Variants in PPP2R1A observed in about 807,000 individuals in gnomAD.
The protein encoded by PPP2R1A is protein phosphatase 2 scaffold subunit Aalpha.
A neutral mutation model predicts 67.1 loss-of-function variants in PPP2R1A; 15 were observed. The observed-to-expected ratio is 0.22, with a 90% CI of 0.15 to 0.34. PPP2R1A has a LOEUF of 0.34. PPP2R1A is among the 10% of genes least tolerant of loss of function. The pLI, the probability that PPP2R1A is intolerant of heterozygous loss-of-function variation, is 1.00. For synonymous variants in PPP2R1A, 337 were observed against 325.0 expected, an observed-to-expected ratio of 1.04 and a Z score of -0.40; for missense variants, 369 against 775.0, an observed-to-expected ratio of 0.48 and a Z score of 6.22.
chr19:52,212,632 G>C lies in PPP2R1A; in HGVS notation c.504-54G>C. On this transcript the variant is annotated intron_variant, in intron 4 of 14. Transcript: ENST00000322088. The surrounding 1 kb of genome is among the most constrained non-coding windows in gnomAD (Gnocchi z 4.1). The stretch of plus-strand genomic sequence containing the variant: ...CCACACAACTGCAGAGTCTGTGCTT[G>C]CTCCTCTCTGCCATACTGCCTGCTG... The C allele has an allele frequency of 6.3e-7, 1 of 1,591,826 alleles. No homozygotes were observed. Among genetic ancestry groups the C allele is most frequent in the Non-Finnish European group, 8.5e-7 (1 of 1,172,542 alleles).
At chr19:52,210,400 ATG>A (rs2089653092) in intron 3 of PPP2R1A, among the ~76,000 whole-genome samples, 1 of 151,764 alleles carries the variant, frequency 6.6e-6, no homozygotes, top group African/African-American at 2.4e-5. Flanking sequence ...GTAACTGTTC[ATG>A]GGAAGCTTAG....
At chr19:52,198,047 C>T (rs2089511912) in intron 1 of PPP2R1A, among the ~76,000 whole-genome samples, 2 of 152,208 alleles carry the variant, frequency 1.3e-5, no homozygotes, top group Non-Finnish European at 2.9e-5. Context: ...GTTGCCACGG[C>T]TGCCATTATT....
chr19:52,220,062 C>T (rs1359478077), intron 10 of PPP2R1A, 127 bp from the exon 11 acceptor site: 48 of 1,258,124 alleles, frequency 3.8e-5, no homozygotes, highest in Non-Finnish European at 4.6e-6. Context: ...GAAAGGAGCA[C>T]CTCAGACAAA....
chr19:52,198,162 A>G (rs531382277), intron 1 of PPP2R1A, among the ~76,000 whole-genome samples: 3 of 152,308 alleles, frequency 2.0e-5, no homozygotes, highest in South Asian at 4.1e-4. Context: ...AGATGAGAAA[A>G]TTGAGGCTCA....
rs2122335666 is a variant in PPP2R1A, at chr19:52,212,796, T to C, written c.614T>C (p.Ile205Thr). Residue 205 changes from isoleucine to threonine, a missense_variant, in exon 5 of 15, where the codon ATC becomes ACC. Ile to Thr is a moderately conservative substitution (Grantham distance 89, BLOSUM62 -1). This residue lies in a region of PPP2R1A where 276 missense variants were observed against 508.4 expected (regional missense o/e 0.54). Transcript: ENST00000322088. The surrounding 1 kb of genome is among the most constrained non-coding windows in gnomAD (Gnocchi z 4.1). ...VLELDNVKSEIIPMFSNLASD... is the reference protein window; with the variant it reads ...VLELDNVKSETIPMFSNLASD... ...GAGCTGGACAACGTCAAGAGTGAGA[T>C]CATCCCCATGTTCTCCAACCTGGCC... 6.2e-7 allele frequency: 1 copy of C among 1,612,318 alleles called. No homozygotes were observed. The highest frequency in any genetic ancestry group is 8.5e-7 in the Non-Finnish European group (1 of 1,179,068).
intron 1 of PPP2R1A, 159 bp from the exon 2 acceptor site, chr19:52,201,785 T>C (rs1201508698): frequency 1.2e-5 from 7 of 607,958 alleles, no homozygotes; most frequent in Non-Finnish European, 2.1e-5. Flanking sequence ...TCCCTCGAGG[T>C]CACAGGGTCT....
At chr19:52,222,990 A>T (rs982990698) in intron 13 of PPP2R1A, among the ~76,000 whole-genome samples, 1 of 152,224 alleles carries the variant, frequency 6.6e-6, no homozygotes, top group Non-Finnish European at 1.5e-5. Context: ...GAAAATTGAC[A>T]CTTCTAATGA....
chr19:52,201,591 T>G (rs1389913517), intron 1 of PPP2R1A: 1 of 224,324 alleles, frequency 4.5e-6, no homozygotes, highest in East Asian at 9.3e-5. Flanking sequence ...TAAAGTACAG[T>G]GCATTGGCAT....
intron 6 of PPP2R1A, among the ~76,000 whole-genome samples, chr19:52,215,498 A>C (rs1015338842): frequency 2.0e-5 from 3 of 152,254 alleles, no homozygotes; most frequent in African/African-American, 7.2e-5. Context: ...ACTTAACCTC[A>C]GTAGCCTGAA....
At position 52,212,788 on chromosome 19, in the gene PPP2R1A, G is replaced by A. The variant is rs768008940; in HGVS notation, c.606G>A (p.Lys202=). Residue 202 remains lysine, a synonymous_variant, in exon 5 of 15, where the codon AAG becomes AAA. Coordinates refer to ENST00000322088, the MANE Select transcript of PPP2R1A (RefSeq NM_014225.6). The surrounding 1 kb of genome is among the most constrained non-coding windows in gnomAD (Gnocchi z 4.1). The stretch of plus-strand genomic sequence containing the variant: ...AGGTGCTGGAGCTGGACAACGTCAA[G>A]AGTGAGATCATCCCCATGTTCTCCA... ...FAKVLELDNV[K]SEIIPMFSNL... 3.7e-6 allele frequency: 6 copies of A among 1,613,214 alleles called. No homozygotes were observed. Among genetic ancestry groups the A allele is most frequent in the Non-Finnish European group, 5.1e-6 (6 of 1,179,606 alleles).
chr19:52,208,912 T>C (rs76713599), intron 3 of PPP2R1A, among the ~76,000 whole-genome samples: 9,864 of 152,306 alleles, frequency 0.065, 413 homozygotes, highest in East Asian at 0.15. Context: ...TTCCCTACCC[T>C]GTGTGGTCTC....
chr19:52,213,382 G>GT lies in PPP2R1A; in HGVS notation c.807+273dup, dbSNP rs2089692621. 6.6e-6 allele frequency among the ~76,000 whole-genome samples: 1 copy of GT among 151,352 alleles called. No homozygotes were observed. The highest frequency in any genetic ancestry group is 6.6e-5 in the Admixed American group (1 of 15,172). On this transcript the variant is annotated intron_variant, in intron 6 of 14. Coordinates refer to ENST00000322088, the MANE Select transcript of PPP2R1A (RefSeq NM_014225.6). This position sits in a 1 kb window ranked among gnomAD's most constrained non-coding sequence, Gnocchi z 4.2. ...ACAGGAGCAGAGAAGGGTAGCACAT[G>GT]TGGGGTGTTCCTGACATAATCAAGC...
intron 13 of PPP2R1A, among the ~76,000 whole-genome samples, chr19:52,224,761 G>A (rs1979152658): frequency 6.6e-6 from 1 of 152,150 alleles, no homozygotes; most frequent in Admixed American, 6.6e-5. Flanking sequence ...GTACAGTGGT[G>A]CGATCTCGGC....
intron 1 of PPP2R1A, among the ~76,000 whole-genome samples, chr19:52,194,777 A>G (rs1407405596): frequency 1.3e-5 from 2 of 152,148 alleles, no homozygotes; most frequent in Non-Finnish European, 2.9e-5. Context: ...ATGATGAAGA[A>G]TCAGCGTGTG....
intron 9 of PPP2R1A, among the ~76,000 whole-genome samples, chr19:52,217,486 G>A (rs763236115): frequency 1.3e-5 from 2 of 152,176 alleles, no homozygotes; most frequent in Middle Eastern, 3.2e-3. Context: ...GGCGTGAGCC[G>A]CTGCCCCCAG....
intron 1 of PPP2R1A, among the ~76,000 whole-genome samples, chr19:52,194,497 ATCC>A (rs2089481020): frequency 6.6e-6 from 1 of 152,010 alleles, no homozygotes; most frequent in Admixed American, 6.6e-5. Context: ...ATTTTAAAGG[ATCC>A]TTCCTCTGGC....
chr19:52,224,698 AGTTT>A (rs544087080), intron 13 of PPP2R1A, among the ~76,000 whole-genome samples: 286 of 151,946 alleles, frequency 1.9e-3, no homozygotes, highest in African/African-American at 6.5e-3. Context: ...GGTTTTTTGC[AGTTT>A]GTTTGGTTTT....
chr19:52,194,088 CAAA>C (rs915576804), intron 1 of PPP2R1A, among the ~76,000 whole-genome samples: 13 of 60,508 alleles, frequency 2.1e-4, no homozygotes, highest in South Asian at 7.3e-4. Flanking sequence ...ACCCTGTCTC[CAAA>C]AAAAAAAAAA....
In PPP2R1A at chr19:52,219,950, G is replaced by A. The variant is rs1240621781; in HGVS notation, c.1302+86G>A. On this transcript the variant is annotated intron_variant, in intron 10 of 14. Transcript: ENST00000322088. The surrounding 1 kb of genome is among the most constrained non-coding windows in gnomAD (Gnocchi z 4.0). ...GGCTGTGATGGGGAAACGGGGCTTT[G>A]AAGGCTTAGTGGAGGCTGTGACAAC... 3.2e-5 allele frequency: 48 copies of A among 1,478,738 alleles called. No individual in the cohort carries two copies. In the East Asian group the frequency reaches 1.1e-3, roughly 34 times the overall value. The allele number at this position is 1,478,738 out of a possible 1,614,324, so 91.6% of individuals were successfully genotyped here.
Sources: allele counts gnomAD v4.1 joint callset (sites outside exome capture counted in the v4.1 genomes callset), GRCh38; gene constraint gnomAD v4.1.1; regional missense constraint gnomAD v4.1.1; non-coding constraint Gnocchi (gnomAD v3.1); transcripts MANE v1.5; gene names NCBI Gene and HGNC (gene_info 2026-07-23, HGNC 2026-07-21).